The following CCSER1 variants were observed in gnomAD, a reference collection of about 807,000 sequenced individuals.
CCSER1 encodes coiled-coil serine rich protein 1, also known as serine-rich coiled-coil domain-containing protein 1.
In CCSER1, 41 loss-of-function variants were observed where a neutral mutation model predicts 82.0. The ratio of observed to expected loss-of-function variants is 0.50; its 90% CI spans 0.39 to 0.65. The LOEUF is 0.65. CCSER1 is among the 30% of genes least tolerant of loss of function. CCSER1 has a pLI of 0.00. For synonymous variants in CCSER1, 414 were observed against 383.9 expected, an observed-to-expected ratio of 1.08 and a Z score of -0.92; for missense variants, 1,119 against 1,064.2, an observed-to-expected ratio of 1.05 and a Z score of -0.72.
At chr4:90,981,649 C>T (rs1356089046) in intron 9 of CCSER1, among the ~76,000 whole-genome samples, 1 of 151,768 alleles carries the variant, frequency 6.6e-6, no homozygotes, top group Middle Eastern at 3.2e-3. Context: ...TCAAAGAATA[C>T]TTAAACTAAA....
At chr4:90,580,160 TA>T (rs1781267259) in intron 5 of CCSER1, among the ~76,000 whole-genome samples, 1 of 152,142 alleles carries the variant, frequency 6.6e-6, no homozygotes, top group African/African-American at 2.4e-5. Context: ...GGGATATATA[TA>T]AATATACACA....
intron 1 of CCSER1, among the ~76,000 whole-genome samples, chr4:90,205,024 T>C (rs1738523633): frequency 6.6e-6 from 1 of 152,218 alleles, no homozygotes; most frequent in Non-Finnish European, 1.5e-5. Flanking sequence ...GGAATGCTTG[T>C]GATTTTCACA....
At chr4:90,282,327 A>C (rs1038353548) in intron 1 of CCSER1, among the ~76,000 whole-genome samples, 1 of 151,854 alleles carries the variant, frequency 6.6e-6, no homozygotes, top group African/African-American at 2.4e-5. Context: ...TCTTTTTATG[A>C]TAAAAGCACT....
At chr4:91,189,644 A>G (rs561327816) in intron 10 of CCSER1, among the ~76,000 whole-genome samples, 21 of 152,190 alleles carry the variant, frequency 1.4e-4, no homozygotes, top group Non-Finnish European at 2.8e-4. Context: ...CCATGGAGAA[A>G]TACAATCTGG....
chr4:90,885,695 T>G (rs1050946571), intron 8 of CCSER1, among the ~76,000 whole-genome samples: 10 of 152,124 alleles, frequency 6.6e-5, no homozygotes, highest in Admixed American at 6.5e-5. Flanking sequence ...ATATGATCAG[T>G]GCTAAAAGAA....
At chr4:91,299,795 T>A (rs896537989) in intron 10 of CCSER1, among the ~76,000 whole-genome samples, 18 of 151,780 alleles carry the variant, frequency 1.2e-4, no homozygotes, top group African/African-American at 4.1e-4. Flanking sequence ...TTTTTTTTTT[T>A]AAATACATAT....
chr4:90,788,925 A>G (rs1227251152), intron 7 of CCSER1, among the ~76,000 whole-genome samples: 1 of 152,048 alleles, frequency 6.6e-6, no homozygotes, highest in African/African-American at 2.4e-5. Context: ...TCCCCCAGGC[A>G]TTCCTCTTTC....
chr4:91,351,517 G>A (rs1260757092), intron 10 of CCSER1, among the ~76,000 whole-genome samples: 1 of 151,764 alleles, frequency 6.6e-6, no homozygotes, highest in Non-Finnish European at 1.5e-5. Flanking sequence ...AACAGATTCT[G>A]GTATACAAAA....
intron 10 of CCSER1, among the ~76,000 whole-genome samples, chr4:91,455,461 GT>G (rs1756109578): frequency 6.6e-6 from 1 of 152,034 alleles, no homozygotes; most frequent in Non-Finnish European, 1.5e-5. Context: ...TGAATGGAGT[GT>G]TCTTGCTTCT....
intron 6 of CCSER1, among the ~76,000 whole-genome samples, chr4:90,717,761 CAT>C (rs531220263): frequency 0.049 from 7,102 of 144,722 alleles, 253 homozygotes; most frequent in Middle Eastern, 0.078. Context: ...TATATACACA[CAT>C]ATATAGTGTA....
intron 10 of CCSER1, among the ~76,000 whole-genome samples, chr4:91,550,027 G>T (rs1762086773): frequency 6.6e-6 from 1 of 151,978 alleles, no homozygotes; most frequent in Non-Finnish European, 1.5e-5. Flanking sequence ...AACTGTCACT[G>T]GGTCTTCCCT....
In CCSER1 at chr4:91,598,687, A is replaced by G. The variant is rs1764697606; in HGVS notation, c.2333A>G (p.Tyr778Cys). 3.9e-6 allele frequency: 6 copies of G among 1,551,460 alleles called. No individual in the cohort carries two copies. The highest frequency in any genetic ancestry group is 5.2e-6 in the Non-Finnish European group (6 of 1,146,934). The change falls in exon 11 of 11, where the codon TAC becomes TGC. Residue 778 changes from tyrosine (Y) to cysteine (C), a missense_variant. Transcript: ENST00000509176. ...TCGGCAGCGGACCAGACAAGCCCCT[A>G]CAAAAACAAGACCTGTCAACTCCCA... ...RYSAADQTSP[Y>C]KNKTCQLPSL...
intron 10 of CCSER1, among the ~76,000 whole-genome samples, chr4:91,590,946 A>T (rs1453175664): frequency 6.6e-6 from 1 of 152,130 alleles, no homozygotes; most frequent in East Asian, 1.9e-4. Flanking sequence ...TGATATGTAT[A>T]TCACTGATCA....
intron 9 of CCSER1, among the ~76,000 whole-genome samples, chr4:91,058,971 A>G (rs1743693403): frequency 6.6e-6 from 1 of 151,812 alleles, no homozygotes; most frequent in South Asian, 2.1e-4. Context: ...TATAATTCTT[A>G]CAGTCTTTTT....
At chr4:91,223,866 A>G (rs907354707) in intron 10 of CCSER1, among the ~76,000 whole-genome samples, 4 of 152,154 alleles carry the variant, frequency 2.6e-5, no homozygotes, top group African/African-American at 9.7e-5. Flanking sequence ...TGTATTGGCT[A>G]ATTCAATCTA....
intron 9 of CCSER1, among the ~76,000 whole-genome samples, chr4:90,933,194 A>AT (rs201922823): frequency 5.8e-4 from 54 of 92,364 alleles, no homozygotes; most frequent in African/African-American, 1.7e-3. Flanking sequence ...ATTTTATTTT[A>AT]TTTTTTTTTT....
At chr4:90,292,884 T>C (rs548614557) in intron 1 of CCSER1, among the ~76,000 whole-genome samples, 15 of 151,938 alleles carry the variant, frequency 9.9e-5, no homozygotes, top group Non-Finnish European at 2.2e-4. Context: ...CAGAAATAAT[T>C]ATAAATGTCC....
chr4:91,482,888 G>T (rs999101754), intron 10 of CCSER1, among the ~76,000 whole-genome samples: 28 of 152,030 alleles, frequency 1.8e-4, no homozygotes, highest in African/African-American at 6.3e-4. Context: ...GGTGGGAATT[G>T]AACAATGAGA....
chr4:90,220,005 T>A (rs1160589533), intron 1 of CCSER1, among the ~76,000 whole-genome samples: 2 of 152,214 alleles, frequency 1.3e-5, no homozygotes, highest in Non-Finnish European at 2.9e-5. Context: ...CAGTTTCGAT[T>A]TCTATGATTT....
Sources: allele counts gnomAD v4.1 joint callset (sites outside exome capture counted in the v4.1 genomes callset), GRCh38; gene constraint gnomAD v4.1.1; transcripts MANE v1.5; gene names NCBI Gene and HGNC (gene_info 2026-07-23, HGNC 2026-07-21).